Variants in ATF7IP2 observed in about 807,000 individuals in gnomAD.
ATF7IP2 encodes activating transcription factor 7 interacting protein 2, also known as activating transcription factor 7-interacting protein 2.
A neutral mutation model predicts 64.2 loss-of-function variants in ATF7IP2; 42 were observed. That is an observed-to-expected ratio of 0.65 (90% CI 0.51 to 0.85). The LOEUF is 0.85. ATF7IP2 is among the 40% of genes least tolerant of loss of function. The pLI, the probability that ATF7IP2 is intolerant of heterozygous loss-of-function variation, is 0.00. For synonymous variants in ATF7IP2, 308 were observed against 272.8 expected, an observed-to-expected ratio of 1.13 and a Z score of -1.27; for missense variants, 933 against 784.2, an observed-to-expected ratio of 1.19 and a Z score of -2.27.
chr16:10,465,571 C>A (rs546545571), intron 9 of ATF7IP2, among the ~76,000 whole-genome samples: 2 of 151,492 alleles, frequency 1.3e-5, no homozygotes, highest in African/African-American at 4.8e-5. Flanking sequence ...AACCCCATCT[C>A]TACTAAAAAC....
intron 6 of ATF7IP2, among the ~76,000 whole-genome samples, chr16:10,434,926 C>T (rs1216327887): frequency 6.6e-5 from 10 of 152,140 alleles, no homozygotes; most frequent in Admixed American, 5.2e-4. Context: ...CTAGCACACC[C>T]AGCTAACTTT....
chr16:10,398,793 A>T (rs922547642), intron 1 of ATF7IP2, among the ~76,000 whole-genome samples: 4 of 152,176 alleles, frequency 2.6e-5, no homozygotes, highest in African/African-American at 7.2e-5. Flanking sequence ...TGGTCAAAGG[A>T]TATAGAATTT....
At chr16:10,390,885 G>T (rs900895903) in intron 1 of ATF7IP2, among the ~76,000 whole-genome samples, 6 of 152,164 alleles carry the variant, frequency 3.9e-5, no homozygotes, top group Admixed American at 3.9e-4. Context: ...AAGGAGGGTA[G>T]GGCATTGTAG....
chr16:10,389,642 T>C lies in ATF7IP2; in HGVS notation c.-242+3520T>C, dbSNP rs185130693. ...TAACTCAAGAAACAGTATGAAAATA[T>C]TTTAAAATACTGAGATTTTAAAAAC... On this transcript the variant is annotated intron_variant, in intron 1 of 13. Transcript: ENST00000562102. Among the ~76,000 whole-genome samples the C allele has an allele frequency of 2.3e-3, 347 of 152,364 alleles. 1 individual carries two copies. The highest frequency in any genetic ancestry group is 4.7e-3 in the Admixed American group (72 of 15,304).
In ATF7IP2 at chr16:10,473,492, T is replaced by C. The variant is rs1344841565; in HGVS notation, c.1440T>C (p.Ile480=). The change falls in exon 11 of 14, where the codon ATT becomes ATC. Residue 480 remains isoleucine (I), a synonymous_variant. Transcript: ENST00000562102. ...AATTTCTTTCAGATACCAGAAAAAT[T>C]ACATCAGGAAATTCTAGCAATTCTC... ...ITSNPTDTRK[I]TSGNSSNSPN... The C allele has an allele frequency of 6.4e-7, 1 of 1,566,872 alleles. No individual in the cohort carries two copies. The highest frequency in any genetic ancestry group is 1.4e-5 in the African/African-American group (1 of 73,452).
chr16:10,447,571 AG>A (rs1393261175), intron 8 of ATF7IP2: 1 of 152,276 alleles, frequency 6.6e-6, no homozygotes, highest in African/African-American at 2.4e-5. Context: ...AAAGGAAAGC[AG>A]GGGTTTTTAT....
Position 10,433,535 on chromosome 16 carries a change from AAAG to A in ATF7IP2, c.851_853del (p.Lys284del). On this transcript the variant is annotated inframe_deletion, in exon 6 of 14. Transcript: ENST00000562102. ...TTTGATCTCCTCAAGGCCATTATCA[AAAG>A]AAGAGGATGTTTTCAGAAAACGAGG... 1 of 1,612,722 alleles carries A rather than the reference AAAG, an allele frequency of 6.2e-7. No individual in the cohort carries two copies. Among genetic ancestry groups the A allele is most frequent in the Non-Finnish European group, 8.5e-7 (1 of 1,178,908 alleles).
chr16:10,473,563 T>C, intron 11 of ATF7IP2, 29 bp downstream of exon 11: 3 of 1,444,274 alleles, frequency 2.1e-6, no homozygotes, highest in Non-Finnish European at 2.9e-6. Context: ...CTCTGAATAT[T>C]GTTTATTTAA....
At chr16:10,401,767 T>C (rs900785472) in intron 1 of ATF7IP2, among the ~76,000 whole-genome samples, 11 of 151,648 alleles carry the variant, frequency 7.3e-5, no homozygotes, top group Non-Finnish European at 1.6e-4. Context: ...CTTTTTTTTT[T>C]TTTTAATTGA....
chr16:10,455,960 T>C (rs923198101), intron 8 of ATF7IP2, among the ~76,000 whole-genome samples: 2 of 152,204 alleles, frequency 1.3e-5, no homozygotes, highest in Non-Finnish European at 2.9e-5. Context: ...TTGGATTTTG[T>C]TTGACTTATG....
chr16:10,481,940 G>A lies in ATF7IP2; in HGVS notation c.1740G>A (p.Glu580=). The change falls in exon 14 of 14, where the codon GAG becomes GAA. Residue 580 remains glutamate, a synonymous_variant. Coordinates refer to ENST00000562102, the MANE Select transcript of ATF7IP2 (RefSeq NM_001393719.1). ...TRDTLPPQKP[E]LKVKRVFRPN... is the part of the protein sequence containing the mutation. ...ACACACTTCCTCCCCAGAAGCCTGAGCTCAAAGTGAAACGGGTTTTCAGAC... is the reference window on the plus strand; with the variant it reads ...ACACACTTCCTCCCCAGAAGCCTGAACTCAAAGTGAAACGGGTTTTCAGAC... 2 of 1,614,124 alleles carry A rather than the reference G, an allele frequency of 1.2e-6. No homozygotes were observed. The highest frequency in any genetic ancestry group is 1.6e-4 in the Middle Eastern group (1 of 6,062).
intron 1 of ATF7IP2, among the ~76,000 whole-genome samples, chr16:10,409,797 G>T (rs531670624): frequency 1.3e-3 from 194 of 152,294 alleles, no homozygotes; most frequent in African/African-American, 4.4e-3. Context: ...CCTACATGTG[G>T]CTTGCCAGTT....
At chr16:10,418,032 CAG>C (rs768355467) in intron 2 of ATF7IP2, among the ~76,000 whole-genome samples, 77 of 152,320 alleles carry the variant, frequency 5.1e-4, no homozygotes, top group Admixed American at 1.3e-3. Flanking sequence ...GAGTGGGAAT[CAG>C]GGGGCTGACA....
At chr16:10,424,138 ATTG>A (rs2048039511) in intron 3 of ATF7IP2, among the ~76,000 whole-genome samples, 1 of 152,236 alleles carries the variant, frequency 6.6e-6, no homozygotes, top group Non-Finnish European at 1.5e-5. Flanking sequence ...CACTCATGCT[ATTG>A]TTTGCAGTTC....
chr16:10,446,062 T>C (rs1037922480), intron 8 of ATF7IP2: 3 of 152,248 alleles, frequency 2.0e-5, no homozygotes, highest in African/African-American at 7.2e-5. Context: ...CTTCAAGCCC[T>C]ACTTCTTCAA....
chr16:10,406,017 A>T (rs1447681429), intron 1 of ATF7IP2, among the ~76,000 whole-genome samples: 1 of 151,892 alleles, frequency 6.6e-6, no homozygotes, highest in African/African-American at 2.4e-5. Flanking sequence ...TGAACCCAGG[A>T]GGTGGAGGTT....
At chr16:10,479,958 CTTTTTTTTTTTTTT>C (rs201158427) in intron 12 of ATF7IP2, among the ~76,000 whole-genome samples, 12 of 80,590 alleles carry the variant, frequency 1.5e-4, no homozygotes, top group African/African-American at 2.6e-4. Flanking sequence ...ACTGGAAATA[CTTTTTTTTTTTTTT>C]TTTTTTTTTT....
chr16:10,395,189 GA>G (rs1323726744), intron 1 of ATF7IP2, among the ~76,000 whole-genome samples: 1 of 151,858 alleles, frequency 6.6e-6, no homozygotes, highest in East Asian at 1.9e-4. Flanking sequence ...GAATACTATA[GA>G]ATAATTCCAA....
intron 8 of ATF7IP2, among the ~76,000 whole-genome samples, chr16:10,456,582 C>G (rs1315466745): frequency 1.3e-5 from 2 of 152,208 alleles, no homozygotes; most frequent in African/African-American, 4.8e-5. Flanking sequence ...TCTGGCTCCA[C>G]TGGGTCTCCC....
Sources: gnomAD v4.1 joint callset for allele counts (sites outside exome capture counted in the v4.1 genomes callset) on GRCh38, gnomAD v4.1.1 for gene constraint, MANE v1.5 for transcripts, NCBI Gene and HGNC (gene_info 2026-07-23, HGNC 2026-07-21) for gene names.